ZNF736: variants seen among roughly 807,000 people sequenced by gnomAD.
ZNF736 encodes zinc finger protein 736, also known as KRAB-containing zinc-finger repressor protein.
In ZNF736, 6 loss-of-function variants were observed where a neutral mutation model predicts 11.7. That is an observed-to-expected ratio of 0.51 (90% confidence interval 0.28 to 1.01). The LOEUF (loss-of-function observed/expected upper bound fraction) is 1.01. Among genes scored for constraint, ZNF736 ranks in the 50% least tolerant of loss-of-function variants. The probability of loss-of-function intolerance (pLI) is 0.09; values close to 1 mark genes in which losing one functional copy is unlikely to be tolerated. For synonymous variants in ZNF736, 139 were observed against 164.7 expected (o/e 0.84, Z 1.19); for missense variants, 444 against 496.0 (o/e 0.90, Z 1.00).
chr7:64,323,302 A>T (rs1297981632), intron 1 of ZNF736, among the ~76,000 whole-genome samples: 1 of 152,230 alleles, frequency 6.6e-6, no homozygotes, highest in Non-Finnish European at 1.5e-5. Flanking sequence ...AAATATTCAT[A>T]ACAAATATTA....
At chr7:64,324,942 G>A (rs1352161136) in intron 1 of ZNF736, among the ~76,000 whole-genome samples, 1 of 152,176 alleles carries the variant, frequency 6.6e-6, no homozygotes, top group Non-Finnish European at 1.5e-5. Context: ...CAGTAACAAG[G>A]CAGCTGTAAC....
chr7:64,329,482 T>C (rs139443098), intron 1 of ZNF736, among the ~76,000 whole-genome samples: 5,188 of 151,664 alleles, frequency 0.034, 100 homozygotes, highest in Middle Eastern at 0.054. Flanking sequence ...GCACCCCAAT[T>C]TGAATAACAC....
In ZNF736 at chr7:64,352,823, C is replaced by G. The variant is rs1354631289; in HGVS notation, c.*3676C>G. 3 of 152,270 alleles carry G rather than the reference C, an allele frequency of 2.0e-5. No homozygotes were observed. Among genetic ancestry groups the G allele is most frequent in the South Asian group, 4.1e-4 (2 of 4,828 alleles). The allele number at this position is 152,270 out of a possible 1,614,324, so 9.4% of individuals were successfully genotyped here. A position where few individuals can be genotyped will look rare whatever the true frequency, so the allele number is the denominator to read the frequency against. ...CAAGCAGCAAAGATGGTGGCCCACT[C>G]CTCTTTCTGGTAGCTCCATCCCAGG... On this transcript the variant is annotated 3_prime_UTR_variant, in exon 4 of 4. Transcript: ENST00000423484.
intron 1 of ZNF736, among the ~76,000 whole-genome samples, chr7:64,330,559 C>A (rs1789150867): frequency 6.6e-6 from 1 of 152,024 alleles, no homozygotes. Flanking sequence ...TACGGCTACC[C>A]CACTATGGCT....
chr7:64,318,389 ACAAT>A (rs781270980), intron 1 of ZNF736, among the ~76,000 whole-genome samples: 1 of 151,984 alleles, frequency 6.6e-6, no homozygotes, highest in Non-Finnish European at 1.5e-5. Flanking sequence ...ACATTACAAA[ACAAT>A]CAGTATTGTA....
At position 64,319,365 on chromosome 7, in the gene ZNF736, A is replaced by G. The variant is rs1377702204; in HGVS notation, c.3+5212A>G. Among the ~76,000 whole-genome samples, 20 of 128,748 alleles carry G rather than the reference A, an allele frequency of 1.6e-4. 1 individual carries two copies. The highest frequency in any genetic ancestry group is 5.2e-4 in the African/African-American group (18 of 34,556). 84.5% of individuals were successfully genotyped at this position (128,748 alleles called of 152,430 possible). ...TATATATATATATATATATATATAT[A>G]TATATATATATATATGCCTGACTAA... On this transcript the variant is annotated intron_variant, in intron 1 of 3. Coordinates refer to ENST00000423484, the MANE Select transcript of ZNF736 (RefSeq NM_001170905.3).
At chr7:64,335,047 A>C (rs1268134843) in intron 1 of ZNF736, among the ~76,000 whole-genome samples, 1 of 152,210 alleles carries the variant, frequency 6.6e-6, no homozygotes, top group Non-Finnish European at 1.5e-5. Flanking sequence ...ACAGGAACAG[A>C]AAACCAAACA....
intron 1 of ZNF736, among the ~76,000 whole-genome samples, chr7:64,318,289 T>C (rs1584263628): frequency 1.3e-5 from 2 of 152,008 alleles, no homozygotes; most frequent in East Asian, 1.9e-4. Flanking sequence ...ATAATTTAGA[T>C]GTTTAATGAA....
Position 64,348,199 on chromosome 7 carries a change from T to G in ZNF736, c.336T>G (p.His112Gln). ...KYGSCDLNNL[H>Q]LKKDYQSVGN... ...GAAGCTGTGACCTTAATAATTTACA[T>G]TTAAAGAAAGACTACCAAAGTGTGG... The change falls in exon 4 of 4, where the codon CAT becomes CAG. Residue 112 changes from histidine (H) to glutamine (Q), a missense_variant. Physicochemically the swap from His to Gln is conservative, Grantham distance 24. Coordinates refer to ENST00000423484, the MANE Select transcript of ZNF736 (RefSeq NM_001170905.3). 1.3e-6 allele frequency: 2 copies of G among 1,551,614 alleles called. No homozygotes were observed. The highest frequency in any genetic ancestry group is 3.3e-4 in the Middle Eastern group (2 of 5,986).
At chr7:64,329,801 CAGT>C (rs1437116863) in intron 1 of ZNF736, among the ~76,000 whole-genome samples, 1 of 152,174 alleles carries the variant, frequency 6.6e-6, no homozygotes, top group Non-Finnish European at 1.5e-5. Flanking sequence ...AAGTTCTCTT[CAGT>C]AGGTGGTGAA....
chr7:64,332,569 A>G (rs1048035051), intron 1 of ZNF736, among the ~76,000 whole-genome samples: 4 of 152,094 alleles, frequency 2.6e-5, no homozygotes, highest in African/African-American at 9.7e-5. Flanking sequence ...ACAACAGAAA[A>G]CAGGTTTCAA....
chr7:64,314,574 T>G (rs1788884848), intron 1 of ZNF736, among the ~76,000 whole-genome samples: 1 of 152,140 alleles, frequency 6.6e-6, no homozygotes. Context: ...TGGCCCTTTT[T>G]TAAATTTATT....
intron 3 of ZNF736, among the ~76,000 whole-genome samples, chr7:64,347,533 A>G (rs148511048): frequency 1.3e-5 from 2 of 151,990 alleles, no homozygotes; most frequent in East Asian, 1.9e-4. Context: ...GCCATTCCCT[A>G]TGTTTCTTAT....
intron 1 of ZNF736, among the ~76,000 whole-genome samples, chr7:64,315,539 T>C (rs1468735722): frequency 2.0e-5 from 3 of 152,178 alleles, no homozygotes; most frequent in Non-Finnish European, 2.9e-5. Context: ...GTTGTTGTTG[T>C]TGTTGTTTCT....
intron 1 of ZNF736, among the ~76,000 whole-genome samples, chr7:64,327,119 G>A (rs1789093644): frequency 6.6e-6 from 1 of 152,096 alleles, no homozygotes; most frequent in Admixed American, 6.5e-5. Flanking sequence ...CTATCTGGAT[G>A]ATCTGTCTAC....
chr7:64,350,650 A>C lies in ZNF736; in HGVS notation c.*1503A>C. The C allele has an allele frequency of 6.8e-6, 1 of 147,048 alleles. No homozygotes were observed. The highest frequency in any genetic ancestry group is 2.0e-4 in the East Asian group (1 of 5,068). 9.1% of individuals were successfully genotyped at this position (147,048 alleles called of 1,614,324 possible). On this transcript the variant is annotated 3_prime_UTR_variant, in exon 4 of 4. Coordinates refer to ENST00000423484, the MANE Select transcript of ZNF736 (RefSeq NM_001170905.3). The stretch of plus-strand genomic sequence containing the variant: ...CTGATTGTGTCTTATCTTTGTGGGC[A>C]TATCTTTGAGGTTGCTGACCTTTGG...
intron 3 of ZNF736, among the ~76,000 whole-genome samples, chr7:64,340,929 T>G (rs905242542): frequency 3.3e-5 from 5 of 152,210 alleles, no homozygotes; most frequent in Non-Finnish European, 7.3e-5. Flanking sequence ...TCTCTGTGAC[T>G]TTTCTCCTGC....
intron 1 of ZNF736, among the ~76,000 whole-genome samples, chr7:64,333,868 G>A (rs1408605432): frequency 6.6e-6 from 1 of 152,138 alleles, no homozygotes; most frequent in Non-Finnish European, 1.5e-5. Context: ...AAAGCTGGAG[G>A]CATCACGCTA....
chr7:64,347,358 T>G (rs1187015700), intron 3 of ZNF736, among the ~76,000 whole-genome samples: 1 of 151,540 alleles, frequency 6.6e-6, no homozygotes, highest in Non-Finnish European at 1.5e-5. Flanking sequence ...CCCAAGTAGC[T>G]GGGATTACAG....
Sources: gnomAD v4.1 joint callset for allele counts (sites outside exome capture counted in the v4.1 genomes callset) on GRCh38, gnomAD v4.1.1 for gene constraint, MANE v1.5 for transcripts, NCBI Gene and HGNC (gene_info 2026-07-23, HGNC 2026-07-21) for gene names.